The following DYNC2H1 variants were observed in gnomAD, a reference collection of about 807,000 sequenced individuals.
DYNC2H1 encodes the protein dynein cytoplasmic 2 heavy chain 1.
In DYNC2H1, 410 loss-of-function variants were observed where a neutral mutation model predicts 570.0. That is an observed-to-expected ratio of 0.72 (90% confidence interval 0.66 to 0.78). The LOEUF (loss-of-function observed/expected upper bound fraction) is 0.78. DYNC2H1 is among the 30% of genes least tolerant of loss of function. The pLI is 0.00. For synonymous variants in DYNC2H1, 1,688 were observed against 1,677.6 expected (o/e 1.01, Z -0.15); for missense variants, 4,865 against 5,046.4 (o/e 0.96, Z 1.09).
Position 103,163,673 on chromosome 11 carries a change from A to G in DYNC2H1, c.4611+526A>G, listed in dbSNP as rs1278117285. 6.6e-6 allele frequency among the ~76,000 whole-genome samples: 1 copy of G among 152,176 alleles called. No homozygotes were observed. The highest frequency in any genetic ancestry group is 1.5e-5 in the Non-Finnish European group (1 of 68,030). ...TAGATATTTAGCTTACAAAATTTGT[A>G]CCAGTCTATATCAAAATGTAGCACT... On this transcript the variant is annotated intron_variant, in intron 30 of 88. Transcript: ENST00000375735. This position sits in a 1 kb window ranked among gnomAD's most constrained non-coding sequence, Gnocchi z 4.6.
At chr11:103,429,522 T>C (rs891816223) in intron 84 of DYNC2H1, among the ~76,000 whole-genome samples, 1 of 152,204 alleles carries the variant, frequency 6.6e-6, no homozygotes, top group African/African-American at 2.4e-5. Context: ...AACAAAGGTC[T>C]TGTTAAGATT....
intron 70 of DYNC2H1, among the ~76,000 whole-genome samples, chr11:103,274,781 AT>A (rs1289793237): frequency 7.0e-4 from 107 of 152,038 alleles, no homozygotes; most frequent in Admixed American, 6.9e-3. Flanking sequence ...TAGATCTGTT[AT>A]GTTTTGAGGG....
chr11:103,113,266 G>T (rs906810784), intron 1 of DYNC2H1, among the ~76,000 whole-genome samples: 5 of 151,982 alleles, frequency 3.3e-5, no homozygotes, highest in African/African-American at 1.2e-4. Context: ...GAATCTGACT[G>T]GAATGGAATA....
intron 84 of DYNC2H1, among the ~76,000 whole-genome samples, chr11:103,415,074 C>G (rs1943231612): frequency 6.6e-6 from 1 of 152,088 alleles, no homozygotes; most frequent in Non-Finnish European, 1.5e-5. Context: ...GAAAGGATTC[C>G]CTATTTAATA....
intron 84 of DYNC2H1, 65 bp downstream of exon 84, chr11:103,399,937 A>G (rs1591686609): frequency 2.2e-6 from 3 of 1,354,240 alleles, no homozygotes; most frequent in East Asian, 4.6e-5. Flanking sequence ...CATCACACAT[A>G]TATTTGTCAG....
rs543624930 is a variant in DYNC2H1 at position 103,218,110 on chromosome 11, A to G, written c.8833-1805A>G. Among the ~76,000 whole-genome samples the G allele has an allele frequency of 1.1e-4, 16 of 152,324 alleles. No homozygotes were observed. The East Asian group carries it at 2.9e-3, about 28-fold the overall frequency. Reference sequence around the variant, plus strand: ...GTGTGGAGCATCTGGAACTCTTATAATTGCTGGAGGAAATGAATAATGCTA... The same window carrying G: ...GTGTGGAGCATCTGGAACTCTTATAGTTGCTGGAGGAAATGAATAATGCTA... On this transcript the variant is annotated intron_variant, in intron 55 of 88. Transcript: ENST00000375735.
Position 103,321,124 on chromosome 11 carries a change from C to G in DYNC2H1, c.11821C>G (p.Gln3941Glu), listed in dbSNP as rs1938164156. Residue 3941 changes from glutamine to glutamate, a missense_variant, in exon 81 of 89, where the codon CAG becomes GAG. By Grantham distance (29) the Gln-to-Glu change is conservative (BLOSUM62 2). Coordinates refer to ENST00000375735, the MANE Select transcript of DYNC2H1 (RefSeq NM_001377.3). ...IDNYFDLRVLQSYLKQFFNSS... is the reference protein window; with the variant it reads ...IDNYFDLRVLESYLKQFFNSS... ...CAACTATTTTGACCTTAGAGTTCTT[C>G]AGTCATACCTGAAGCAGTTTTTTAA... The G allele has an allele frequency of 6.2e-7, 1 of 1,612,298 alleles. No individual in the cohort carries two copies.
At chr11:103,476,421 C>T (rs1252426957) in intron 88 of DYNC2H1, among the ~76,000 whole-genome samples, 1 of 151,990 alleles carries the variant, frequency 6.6e-6, no homozygotes, top group Non-Finnish European at 1.5e-5. Context: ...AGTAAAAATT[C>T]AAAGGAGATT....
Position 103,135,929 on chromosome 11 carries a change from C to T in DYNC2H1, c.2555C>T (p.Ala852Val), listed in dbSNP as rs750297893. 3 of 1,607,238 alleles carry T rather than the reference C, an allele frequency of 1.9e-6. No individual in the cohort carries two copies. Among genetic ancestry groups the T allele is most frequent in the Admixed American group, 1.7e-5 (1 of 59,586 alleles). Residue 852 changes from alanine to valine, a missense_variant, in exon 17 of 89, where the codon GCT becomes GTT. Ala to Val is a moderately conservative substitution (Grantham distance 64). This residue lies in a region of DYNC2H1 where 1,936 missense variants were observed against 1,962.1 expected (regional missense o/e 0.99). Coordinates refer to ENST00000375735, the MANE Select transcript of DYNC2H1 (RefSeq NM_001377.3). ...GAAGATCTGTTTAGAAGATTGTCAG[C>T]TGTTTTACACCAACATAAGGTATAG... The part of the protein sequence containing the change: ...KAEDLFRRLS[A>V]VLHQHKEWIV...
chr11:103,283,043 T>G lies in DYNC2H1; in HGVS notation c.10848T>G (p.Ser3616=), dbSNP rs199958495. Residue 3616 remains serine (S), a synonymous_variant, in exon 73 of 89, where the codon TCT becomes TCG. Coordinates refer to ENST00000375735, the MANE Select transcript of DYNC2H1 (RefSeq NM_001377.3). ...SQQKIRDQLP[S]WIDQERSWAV... ...AAAAAATACGTGATCAGCTTCCGTC[T>G]TGGATAGATCAGGAACGAAGCTGGG... The G allele has an allele frequency of 2.4e-5, 38 of 1,609,120 alleles. No homozygotes were observed. The East Asian group carries it at 7.4e-4, about 31-fold the overall frequency.
intron 68 of DYNC2H1, among the ~76,000 whole-genome samples, chr11:103,257,084 A>G (rs185501009): frequency 3.3e-5 from 5 of 152,296 alleles, no homozygotes; most frequent in Admixed American, 2.0e-4. Flanking sequence ...GTGTAATAGT[A>G]TTAAGAGGTG....
chr11:103,476,981 G>A (rs917538973), intron 88 of DYNC2H1, among the ~76,000 whole-genome samples: 1 of 152,050 alleles, frequency 6.6e-6, no homozygotes, highest in African/African-American at 2.4e-5. Context: ...AAGAATCAGA[G>A]ACATGTGGAT....
Position 103,177,919 on chromosome 11 carries a change from A to G in DYNC2H1, c.6139+99A>G. On this transcript the variant is annotated intron_variant, in intron 38 of 88. Transcript: ENST00000375735. This position sits in a 1 kb window ranked among gnomAD's most constrained non-coding sequence, Gnocchi z 4.4. ...TCTTTGTCAAGACTTCTACATGACCATAAAGTCATAATTAAGTTAAAATGA... is the reference window on the plus strand; with the variant it reads ...TCTTTGTCAAGACTTCTACATGACCGTAAAGTCATAATTAAGTTAAAATGA... 4.6e-6 allele frequency: 6 copies of G among 1,306,488 alleles called. No individual in the cohort carries two copies. The highest frequency in any genetic ancestry group is 6.1e-6 in the Non-Finnish European group (6 of 979,340). The allele number at this position is 1,306,488 out of a possible 1,614,324, so 80.9% of individuals were successfully genotyped here. A position where few individuals can be genotyped will look rare whatever the true frequency, so the allele number is the denominator to read the frequency against.
intron 54 of DYNC2H1, among the ~76,000 whole-genome samples, chr11:103,215,255 TC>T (rs1863333775): frequency 6.6e-6 from 1 of 152,196 alleles, no homozygotes; most frequent in African/African-American, 2.4e-5. Context: ...TTCCAGCTGT[TC>T]CCCATTCAGT....
At chr11:103,221,968 T>C in intron 57 of DYNC2H1, 62 bp from the exon 58 acceptor site, 1 of 1,562,874 alleles carries the variant, frequency 6.4e-7, no homozygotes, top group Non-Finnish European at 8.7e-7. Context: ...GTTAAACTGA[T>C]TTTTTTTCAG....
intron 30 of DYNC2H1, among the ~76,000 whole-genome samples, chr11:103,164,932 A>G (rs1428342219): frequency 1.3e-5 from 2 of 152,172 alleles, no homozygotes; most frequent in African/African-American, 4.8e-5. Flanking sequence ...GCAAAGGAAC[A>G]TTTTTATATG....
chr11:103,349,467 G>C (rs1333421153), intron 82 of DYNC2H1, among the ~76,000 whole-genome samples: 3 of 151,770 alleles, frequency 2.0e-5, no homozygotes, highest in African/African-American at 7.3e-5. Flanking sequence ...AATTATTCAG[G>C]GTGCGACAAA....
In DYNC2H1 at chr11:103,243,552, C is replaced by T. The variant is rs1864498973; in HGVS notation, c.9820-141C>T. 1.5e-6 allele frequency: 1 copy of T among 670,168 alleles called. No individual in the cohort carries two copies. Among genetic ancestry groups the T allele is most frequent in the Non-Finnish European group, 2.4e-6 (1 of 411,222 alleles). The allele number at this position is 670,168 out of a possible 1,614,324, so 41.5% of individuals were successfully genotyped here. A position where few individuals can be genotyped will look rare whatever the true frequency, so the allele number is the denominator to read the frequency against. ...AAAAACTGTATTTTTGTTTCTTTTT[C>T]ATGGTTGTATATTTGTGTTCTCCAA... On this transcript the variant is annotated intron_variant, in intron 63 of 88. Coordinates refer to ENST00000375735, the MANE Select transcript of DYNC2H1 (RefSeq NM_001377.3). This position sits in a 1 kb window ranked among gnomAD's most constrained non-coding sequence, Gnocchi z 4.8.
chr11:103,303,037 A>G (rs1049281141), intron 75 of DYNC2H1, 56 bp from the exon 76 acceptor site: 1 of 1,264,988 alleles, frequency 7.9e-7, no homozygotes, highest in African/African-American at 1.5e-5. Flanking sequence ...AGATTTAATA[A>G]ACTTTTTAAT....
Sources: gnomAD v4.1 joint callset for allele counts (sites outside exome capture counted in the v4.1 genomes callset) on GRCh38, gnomAD v4.1.1 for gene constraint, gnomAD v4.1.1 regional missense constraint, Gnocchi (gnomAD v3.1) non-coding constraint, MANE v1.5 for transcripts, NCBI Gene and HGNC (gene_info 2026-07-23, HGNC 2026-07-21) for gene names.